HTR3B: variants seen among roughly 807,000 people sequenced by gnomAD.
HTR3B encodes 5-hydroxytryptamine receptor 3B.
A neutral mutation model predicts 42.8 loss-of-function variants in HTR3B; 44 were observed. The ratio of observed to expected loss-of-function variants is 1.03; its 90% confidence interval spans 0.81 to 1.32. The LOEUF is 1.32. HTR3B is among the 40% of genes most tolerant of loss of function. The pLI, the probability that HTR3B is intolerant of heterozygous loss-of-function variation, is 0.00. For synonymous variants in HTR3B, 203 were observed against 209.0 expected (o/e 0.97, Z 0.25); for missense variants, 527 against 536.5 (o/e 0.98, Z 0.17).
intron 4 of HTR3B, 62 bp from the exon 5 acceptor site, chr11:113,932,227 C>T (rs1950042522): frequency 7.3e-7 from 1 of 1,365,756 alleles, no homozygotes; most frequent in Admixed American, 1.8e-5. Flanking sequence ...TCCTAATCAG[C>T]CTATGTTTTG....
intron 2 of HTR3B, among the ~76,000 whole-genome samples, chr11:113,910,534 C>T (rs547826884): frequency 4.3e-4 from 66 of 151,738 alleles, no homozygotes; most frequent in Middle Eastern, 3.4e-3. Context: ...TTTGCGTCCC[C>T]GGTTCAAGCA....
Position 113,942,887 on chromosome 11 carries a change from T to G in HTR3B, c.697-95T>G, listed in dbSNP as rs887180720. On this transcript the variant is annotated intron_variant, in intron 6 of 8. Transcript: ENST00000260191. ...GATTTTTCACATTATGCAAAAACGT[T>G]GGGTCTTCGGGGAGAATTCCTGGCT... The G allele has an allele frequency of 1.7e-5, 16 of 965,488 alleles. No homozygotes were observed. In the Middle Eastern group the frequency reaches 1.1e-3, roughly 66 times the overall value. The allele number at this position is 965,488 out of a possible 1,614,324, so 59.8% of individuals were successfully genotyped here. A position where few individuals can be genotyped will look rare whatever the true frequency, so the allele number is the denominator to read the frequency against.
chr11:113,921,795 G>A (rs1314313735), intron 2 of HTR3B, among the ~76,000 whole-genome samples: 1 of 152,064 alleles, frequency 6.6e-6, no homozygotes, highest in Non-Finnish European at 1.5e-5. Flanking sequence ...ATTCTTTATG[G>A]TAGGTAAGGA....
intron 6 of HTR3B, among the ~76,000 whole-genome samples, chr11:113,942,164 G>A (rs931857163): frequency 1.3e-5 from 2 of 152,182 alleles, no homozygotes; most frequent in Non-Finnish European, 2.9e-5. Context: ...GAGGTCAGGA[G>A]TTGGAGACCA....
chr11:113,946,146 G>A lies in HTR3B; in HGVS notation c.*9G>A. On this transcript the variant is annotated 3_prime_UTR_variant, in exon 9 of 9. Transcript: ENST00000260191. ...TGTGGGGCGGCGTGTGAAGACTGAA[G>A]TGTTCTTCAGTAATTGTGCTGGCAC... 1 of 1,586,904 alleles carries A rather than the reference G, an allele frequency of 6.3e-7. No homozygotes were observed. The highest frequency in any genetic ancestry group is 1.1e-5 in the South Asian group (1 of 90,524).
intron 2 of HTR3B, among the ~76,000 whole-genome samples, chr11:113,930,258 C>A (rs1349260254): frequency 6.6e-6 from 1 of 151,952 alleles, no homozygotes; most frequent in Non-Finnish European, 1.5e-5. Context: ...GTCTAAGAAA[C>A]CATTGCCTAA....
chr11:113,907,661 T>C (rs1045818932), intron 1 of HTR3B, among the ~76,000 whole-genome samples: 1 of 152,194 alleles, frequency 6.6e-6, no homozygotes, highest in African/African-American at 2.4e-5. Context: ...GATTGCTTCC[T>C]AGACAAGATC....
intron 1 of HTR3B, among the ~76,000 whole-genome samples, 180 bp downstream of exon 1, chr11:113,905,165 A>G (rs917793629): frequency 1.4e-4 from 21 of 152,242 alleles, no homozygotes; most frequent in African/African-American, 4.8e-4. Context: ...CTTGGCTCCT[A>G]TGATTGCAAA....
intron 2 of HTR3B, among the ~76,000 whole-genome samples, chr11:113,919,338 A>G (rs987150599): frequency 2.6e-5 from 4 of 152,222 alleles, no homozygotes; most frequent in Admixed American, 2.0e-4. Flanking sequence ...ATTTACATAC[A>G]AAATATACCC....
intron 1 of HTR3B, among the ~76,000 whole-genome samples, chr11:113,906,331 G>C (rs952570443): frequency 6.6e-6 from 1 of 152,172 alleles, no homozygotes; most frequent in Non-Finnish European, 1.5e-5. Context: ...TGGTATAGAA[G>C]GAGGCCTGAA....
At chr11:113,931,947 T>C in intron 4 of HTR3B, 80 bp downstream of exon 4, 1 of 854,310 alleles carries the variant, frequency 1.2e-6, no homozygotes, top group East Asian at 2.4e-5. Flanking sequence ...TTTCAGTCAG[T>C]GTTGCTCATT....
intron 2 of HTR3B, among the ~76,000 whole-genome samples, chr11:113,923,674 T>G (rs972877680): frequency 6.6e-6 from 1 of 152,162 alleles, no homozygotes; most frequent in South Asian, 2.1e-4. Context: ...AAATATCCTT[T>G]GCTTTTAACA....
upstream of HTR3B, among the ~76,000 whole-genome samples, chr11:113,903,014 G>A (rs1949705974): frequency 6.6e-6 from 1 of 152,046 alleles, no homozygotes; most frequent in African/African-American, 2.4e-5. Context: ...GACTACAGGA[G>A]TGCACCACCA....
chr11:113,919,945 T>C (rs1949896714), intron 2 of HTR3B, among the ~76,000 whole-genome samples: 1 of 152,182 alleles, frequency 6.6e-6, no homozygotes, highest in Admixed American at 6.5e-5. Context: ...CCAACTTAGA[T>C]AAACCCCTAA....
intron 2 of HTR3B, among the ~76,000 whole-genome samples, chr11:113,921,360 G>T (rs1297035308): frequency 2.6e-5 from 4 of 151,858 alleles, no homozygotes; most frequent in Non-Finnish European, 5.9e-5. Flanking sequence ...TGGCCAGGCT[G>T]GTCTTGAACT....
At chr11:113,941,317 T>C (rs761952286) in intron 6 of HTR3B, among the ~76,000 whole-genome samples, 3 of 152,204 alleles carry the variant, frequency 2.0e-5, no homozygotes, top group Non-Finnish European at 4.4e-5. Flanking sequence ...ACCCCAGAGA[T>C]GGGATGAGAT....
In HTR3B at chr11:113,932,365, A is replaced by G. The variant is rs150009887; in HGVS notation, c.445A>G (p.Ile149Val). 5.9e-4 allele frequency: 947 copies of G among 1,613,858 alleles called. 2 individuals are homozygous for G. Among genetic ancestry groups the G allele is most frequent in the Admixed American group, 8.0e-4 (48 of 60,012 alleles). Reference sequence around the variant, plus strand: ...TGGGACCATTGAGAACTATAAGCCCATCCAGGTGGTCTCTGCGTGCAGTTT... The same window carrying G: ...TGGGACCATTGAGAACTATAAGCCCGTCCAGGTGGTCTCTGCGTGCAGTTT... ...SSGTIENYKP[I>V]QVVSACSLET... Residue 149 changes from isoleucine to valine, a missense_variant, in exon 5 of 9, where the codon ATC (isoleucine) becomes GTC (valine). Transcript: ENST00000260191.
At chr11:113,941,961 T>C (rs1488409042) in intron 6 of HTR3B, among the ~76,000 whole-genome samples, 1 of 152,222 alleles carries the variant, frequency 6.6e-6, no homozygotes, top group Non-Finnish European at 1.5e-5. Flanking sequence ...TAGTCTCATT[T>C]TTGAGCCGTC....
At chr11:113,925,800 T>G (rs1949964624) in intron 2 of HTR3B, among the ~76,000 whole-genome samples, 1 of 152,186 alleles carries the variant, frequency 6.6e-6, no homozygotes, top group Non-Finnish European at 1.5e-5. Context: ...TCTTATAAAT[T>G]TACTGGAAAT....
Sources: allele counts gnomAD v4.1 joint callset (sites outside exome capture counted in the v4.1 genomes callset), GRCh38; gene constraint gnomAD v4.1.1; transcripts MANE v1.5; gene names NCBI Gene and HGNC (gene_info 2026-07-23, HGNC 2026-07-21).